FRMPD4: variants seen among roughly 807,000 people sequenced by gnomAD.
The protein encoded by FRMPD4 is FERM and PDZ domain containing 4.
FRMPD4 carries 22 observed loss-of-function variants against 94.1 expected under a neutral mutation model. The observed-to-expected ratio is 0.23, with a 90% CI of 0.17 to 0.33. FRMPD4 has a LOEUF of 0.33. FRMPD4 is among the 10% of genes least tolerant of loss of function. The pLI, the probability that FRMPD4 is intolerant of heterozygous loss-of-function variation, is 1.00. For missense variants in FRMPD4, 1,111 were observed against 1,339.9 expected, an observed-to-expected ratio of 0.83 and a Z score of 2.67; for synonymous variants, 631 against 548.6, an observed-to-expected ratio of 1.15 and a Z score of -2.10.
chrX:12,074,379 C>T (rs1435276660), intron 3 of FRMPD4, among the ~76,000 whole-genome samples: 4 of 111,167 alleles, frequency 3.6e-5, no homozygotes, highest in African/African-American at 1.3e-4. Flanking sequence ...TCCGTTCATT[C>T]TTCCACCTCT....
intron 1 of FRMPD4, among the ~76,000 whole-genome samples, chrX:12,442,210 T>C (rs758723623): frequency 9.0e-6 from 1 of 111,593 alleles, no homozygotes; most frequent in East Asian, 2.8e-4. Context: ...TGCCAAGATT[T>C]TTATCTCCCT....
intron 3 of FRMPD4, among the ~76,000 whole-genome samples, chrX:11,998,397 T>G (rs947765121): frequency 9.0e-6 from 1 of 111,508 alleles, no homozygotes; most frequent in African/African-American, 3.3e-5. Context: ...TTTCTTTGTT[T>G]TGTTTTTGTG....
chrX:12,645,347 C>CTTTTTTTTTTTTTTTTTTTT (rs138817056), intron 4 of FRMPD4, among the ~76,000 whole-genome samples: 3 of 55,642 alleles, frequency 5.4e-5, no homozygotes, highest in African/African-American at 1.7e-4. Flanking sequence ...CACTCTCACT[C>CTTTTTTTTTTTTTTTTTTTT]TTTTTTTTTT....
intron 3 of FRMPD4, among the ~76,000 whole-genome samples, chrX:12,025,229 G>T (rs2147427802): frequency 9.3e-6 from 1 of 107,366 alleles, no homozygotes; most frequent in African/African-American, 3.4e-5. Context: ...TTTCCTGGAA[G>T]ATCTCACTTA....
intron 2 of FRMPD4, among the ~76,000 whole-genome samples, chrX:12,503,460 TGAAGA>T (rs953481884): frequency 8.9e-6 from 1 of 112,160 alleles, no homozygotes; most frequent in African/African-American, 3.2e-5. Context: ...CTCTGAATCC[TGAAGA>T]GTAGAGATTA....
intron 4 of FRMPD4, among the ~76,000 whole-genome samples, chrX:12,622,015 A>AAAGAAAGG (rs1398888625): frequency 0.01 from 222 of 21,830 alleles, 4 homozygotes; most frequent in Non-Finnish European, 0.014. Flanking sequence ...AGAAAGAAAG[A>AAAGAAAGG]AAGGAAGGAA....
At chrX:12,038,768 A>C (rs2147440200) in intron 3 of FRMPD4, among the ~76,000 whole-genome samples, 1 of 111,748 alleles carries the variant, frequency 8.9e-6, no homozygotes, top group South Asian at 3.7e-4. Context: ...AATGCTTTTA[A>C]CTTCCCTAGG....
At chrX:12,587,759 C>T (rs973053740) in intron 2 of FRMPD4, among the ~76,000 whole-genome samples, 9 of 110,825 alleles carry the variant, frequency 8.1e-5, no homozygotes, top group African/African-American at 2.0e-4. Context: ...TTGCTGTAAA[C>T]GATCATGTAC....
chrX:12,128,421 G>A (rs1028799042), intron 3 of FRMPD4, among the ~76,000 whole-genome samples: 3 of 112,116 alleles, frequency 2.7e-5, no homozygotes, highest in African/African-American at 9.7e-5. Context: ...TGGGATGCAG[G>A]GCACCATGTC....
intron 1 of FRMPD4, among the ~76,000 whole-genome samples, chrX:12,241,935 GAGGGGA>G (rs1181693727): frequency 2.2e-5 from 2 of 89,358 alleles, no homozygotes; most frequent in African/African-American, 7.7e-5. Context: ...GAAGGAGAAG[GAGGGGA>G]AGGGGAAGGG....
intron 1 of FRMPD4, among the ~76,000 whole-genome samples, chrX:12,356,134 C>A (rs777532142): frequency 9.0e-6 from 1 of 111,372 alleles, no homozygotes; most frequent in Non-Finnish European, 1.9e-5. Flanking sequence ...TCCTCACATT[C>A]GGAAAACGAA....
intron 1 of FRMPD4, among the ~76,000 whole-genome samples, chrX:12,214,891 T>C (rs1202327490): frequency 2.0e-5 from 2 of 98,323 alleles, no homozygotes; most frequent in African/African-American, 5.6e-5. Context: ...ATTTTCAGCC[T>C]TCTTTTTACA....
intron 2 of FRMPD4, among the ~76,000 whole-genome samples, chrX:12,499,285 C>T (rs1008633208): frequency 3.6e-5 from 4 of 112,037 alleles, no homozygotes; most frequent in East Asian, 2.8e-4. Context: ...CTCACACTAA[C>T]GTTGGCTTAG....
At chrX:12,304,682 C>A (rs1569225133) in intron 1 of FRMPD4, among the ~76,000 whole-genome samples, 5 of 111,671 alleles carry the variant, frequency 4.5e-5, no homozygotes, top group African/African-American at 1.6e-4. Flanking sequence ...CCAGTGGAGC[C>A]ATTTAAGGCA....
chrX:12,125,399 G>A (rs1193351985), intron 3 of FRMPD4, among the ~76,000 whole-genome samples: 1 of 112,118 alleles, frequency 8.9e-6, no homozygotes, highest in Non-Finnish European at 1.9e-5. Context: ...ATTATTGGCT[G>A]TTCTCAAATA....
intron 1 of FRMPD4, among the ~76,000 whole-genome samples, chrX:12,293,013 AT>A (rs1007694078): frequency 1.8e-5 from 2 of 108,169 alleles, no homozygotes; most frequent in African/African-American, 3.4e-5. Context: ...CTGTGACTGC[AT>A]TTTTTTTCTA....
chrX:12,303,605 A>G (rs1257302438), intron 1 of FRMPD4, among the ~76,000 whole-genome samples: 1 of 111,894 alleles, frequency 8.9e-6, no homozygotes, highest in African/African-American at 3.2e-5. Flanking sequence ...CCATGGGTGT[A>G]TTAAATTATA....
At chrX:12,271,628 C>G (rs1569213514) in intron 1 of FRMPD4, among the ~76,000 whole-genome samples, 1 of 112,221 alleles carries the variant, frequency 8.9e-6, no homozygotes, top group Non-Finnish European at 1.9e-5. Context: ...GTGAGCTAAA[C>G]TAAAGCAGAG....
intron 1 of FRMPD4, among the ~76,000 whole-genome samples, chrX:12,259,902 G>A (rs181554545): frequency 8.1e-5 from 9 of 111,647 alleles, no homozygotes; most frequent in African/African-American, 2.9e-4. Flanking sequence ...AGAGGCACTA[G>A]ATGTACTTGA....
Sources: allele counts gnomAD v4.1 joint callset (sites outside exome capture counted in the v4.1 genomes callset), GRCh38; gene constraint gnomAD v4.1.1; transcripts MANE v1.5; gene names NCBI Gene and HGNC (gene_info 2026-07-23, HGNC 2026-07-21).